Variants in STK4 observed in about 807,000 individuals in gnomAD.
The protein encoded by STK4 is serine/threonine-protein kinase 4.
In STK4, 30 loss-of-function variants were observed where a neutral mutation model predicts 64.9. The observed-to-expected ratio is 0.46, with a 90% CI of 0.35 to 0.63. The LOEUF (loss-of-function observed/expected upper bound fraction) is 0.63. Among genes scored for constraint, STK4 ranks in the 20% least tolerant of loss-of-function variants. The probability of loss-of-function intolerance (pLI) is 0.01; values close to 1 mark genes in which losing one functional copy is unlikely to be tolerated. For missense variants in STK4, 466 were observed against 598.5 expected (o/e 0.78, Z 2.31); for synonymous variants, 177 against 199.0 (o/e 0.89, Z 0.93).
chr20:45,025,152 T>C (rs1416540315), intron 10 of STK4, 22 bp downstream of exon 10: 1 of 1,591,286 alleles, frequency 6.3e-7, no homozygotes, highest in Non-Finnish European at 8.5e-7. Context: ...TGGAAGTAAA[T>C]GGTTATGTCT....
At chr20:45,034,024 GATAAA>G (rs1472521763) in intron 10 of STK4, among the ~76,000 whole-genome samples, 2 of 151,994 alleles carry the variant, frequency 1.3e-5, no homozygotes, top group African/African-American at 2.4e-5. Context: ...TTACTTTAAA[GATAAA>G]ATAAAATATA....
chr20:45,013,639 G>A (rs2068091597), intron 9 of STK4, among the ~76,000 whole-genome samples: 3 of 152,036 alleles, frequency 2.0e-5, no homozygotes. Flanking sequence ...GTTATTTTTT[G>A]AGACATTGTG....
chr20:45,006,451 TA>T (rs544974673), intron 9 of STK4, among the ~76,000 whole-genome samples: 1 of 151,428 alleles, frequency 6.6e-6, no homozygotes, highest in East Asian at 1.9e-4. Context: ...AATTTCCCTT[TA>T]AAAAAAAACT....
chr20:45,060,561 G>A (rs745950174), intron 10 of STK4, among the ~76,000 whole-genome samples: 2 of 152,038 alleles, frequency 1.3e-5, no homozygotes, highest in Non-Finnish European at 2.9e-5. Context: ...AGTCAGACAC[G>A]CTAAGGTTCC....
chr20:45,016,996 A>G (rs919725041), intron 9 of STK4, among the ~76,000 whole-genome samples: 3 of 152,236 alleles, frequency 2.0e-5, no homozygotes, highest in Non-Finnish European at 2.9e-5. Flanking sequence ...TTAAATATCA[A>G]TTTAAGTGGA....
chr20:44,976,198 GA>G (rs1266905048), intron 2 of STK4, among the ~76,000 whole-genome samples: 2 of 152,188 alleles, frequency 1.3e-5, no homozygotes, highest in Non-Finnish European at 2.9e-5. Context: ...TAGACAAACT[GA>G]AAGGAGAATT....
intron 10 of STK4, among the ~76,000 whole-genome samples, chr20:45,070,746 G>C (rs766663942): frequency 8.5e-5 from 13 of 152,072 alleles, no homozygotes; most frequent in Non-Finnish European, 1.5e-4. Flanking sequence ...ATCTAGCCGA[G>C]CGCAGGTGGC....
intron 2 of STK4, chr20:44,973,105 G>A (rs1315697764): frequency 6.6e-6 from 1 of 152,078 alleles, no homozygotes; most frequent in Non-Finnish European, 1.5e-5. Flanking sequence ...ATACTAACTT[G>A]TAAAAACAAC....
Position 44,995,345 on chromosome 20 carries a change from C to T in STK4, c.693+88C>T, listed in dbSNP as rs770450920. On this transcript the variant is annotated intron_variant, in intron 6 of 10. Transcript: ENST00000372806. ...TTCAAGCCAGGTGTTGTGGCTCACA[C>T]GTGTAATCCCAGCACTTTGGGAGGC... is the stretch of plus-strand genomic sequence containing the variant. The T allele has an allele frequency of 6.2e-6, 9 of 1,456,080 alleles. No homozygotes were observed. The East Asian group carries it at 1.5e-4, about 24-fold the overall frequency. 90.2% of individuals were successfully genotyped at this position (1,456,080 alleles called of 1,614,324 possible).
intron 9 of STK4, among the ~76,000 whole-genome samples, chr20:45,023,537 T>C (rs766955259): frequency 2.0e-5 from 3 of 152,192 alleles, no homozygotes; most frequent in Non-Finnish European, 2.9e-5. Context: ...TATAAACCCC[T>C]ATGTTCATGG....
chr20:45,014,549 T>G (rs1257557533), intron 9 of STK4, among the ~76,000 whole-genome samples: 1 of 152,186 alleles, frequency 6.6e-6, no homozygotes, highest in Admixed American at 6.5e-5. Flanking sequence ...AAATATTTTT[T>G]TTTTAGTGGC....
intron 10 of STK4, among the ~76,000 whole-genome samples, chr20:45,036,602 A>C (rs2068531424): frequency 6.6e-6 from 1 of 152,152 alleles, no homozygotes; most frequent in Non-Finnish European, 1.5e-5. Context: ...GACCAAAAAT[A>C]AGGGGGGAAA....
At chr20:45,025,993 C>T (rs906518658) in intron 10 of STK4, among the ~76,000 whole-genome samples, 1 of 152,084 alleles carries the variant, frequency 6.6e-6, no homozygotes, top group Non-Finnish European at 1.5e-5. Flanking sequence ...ACAGTTTATA[C>T]AACTAATGGT....
intron 9 of STK4, among the ~76,000 whole-genome samples, chr20:45,010,970 A>G (rs955971370): frequency 2.0e-5 from 3 of 152,178 alleles, no homozygotes; most frequent in Non-Finnish European, 2.9e-5. Flanking sequence ...GTTGGAGAGA[A>G]GGGATTAAGG....
chr20:44,985,757 T>C (rs1220910848), intron 4 of STK4, among the ~76,000 whole-genome samples: 1 of 152,222 alleles, frequency 6.6e-6, no homozygotes, highest in Non-Finnish European at 1.5e-5. Context: ...AAAGTTATAT[T>C]CCTATTTTAT....
intron 10 of STK4, among the ~76,000 whole-genome samples, chr20:45,066,185 C>CACACAT (rs1979558163): frequency 1.2e-5 from 1 of 81,352 alleles, no homozygotes; most frequent in Admixed American, 1.1e-4. Context: ...TATATCTACA[C>CACACAT]ACACACACAC....
intron 9 of STK4, among the ~76,000 whole-genome samples, chr20:45,015,196 G>A (rs2068119032): frequency 6.6e-6 from 1 of 152,138 alleles, no homozygotes; most frequent in African/African-American, 2.4e-5. Flanking sequence ...GAAAGGCTAG[G>A]CTGTTGTCAA....
At chr20:45,001,060 T>A in intron 8 of STK4, 107 bp from the exon 9 acceptor site, 1 of 1,251,028 alleles carries the variant, frequency 8.0e-7, no homozygotes, top group Non-Finnish European at 1.1e-6. Context: ...AGGACCTGAA[T>A]AAGTGTTAAA....
At chr20:44,985,529 G>T (rs1568690645) in intron 4 of STK4, among the ~76,000 whole-genome samples, 1 of 152,092 alleles carries the variant, frequency 6.6e-6, no homozygotes, top group Non-Finnish European at 1.5e-5. Context: ...TTTTAGTAGA[G>T]ACAGGGTTTT....
Sources: gnomAD v4.1 joint callset for allele counts (sites outside exome capture counted in the v4.1 genomes callset) on GRCh38, gnomAD v4.1.1 for gene constraint, MANE v1.5 for transcripts, NCBI Gene and HGNC (gene_info 2026-07-23, HGNC 2026-07-21) for gene names.